Variants in SMAD3 observed in about 807,000 individuals in gnomAD.
The protein encoded by SMAD3 is SMAD family member 3, also known as MAD homolog 3.
Under a neutral mutation model 51.8 loss-of-function variants are expected in SMAD3, and 12 were observed. That is an observed-to-expected ratio of 0.23 (90% CI 0.15 to 0.38). The LOEUF (loss-of-function observed/expected upper bound fraction) is 0.38, where lower values mean the gene tolerates loss of function less well. Among genes scored for constraint, SMAD3 ranks in the 10% least tolerant of loss-of-function variants. SMAD3 has a pLI of 1.00. For synonymous variants in SMAD3, 238 were observed against 227.7 expected (o/e 1.05, Z -0.41); for missense variants, 294 against 565.6 (o/e 0.52, Z 4.87).
At chr15:67,133,114 A>T (rs1476444197) in intron 1 of SMAD3, among the ~76,000 whole-genome samples, 1 of 152,196 alleles carries the variant, frequency 6.6e-6, no homozygotes, top group Non-Finnish European at 1.5e-5. Context: ...GCAGTAGCCC[A>T]GCCCAAGCAG....
intron 1 of SMAD3, among the ~76,000 whole-genome samples, chr15:67,094,944 T>A (rs1321230336): frequency 6.6e-6 from 1 of 152,244 alleles, no homozygotes; most frequent in East Asian, 1.9e-4. Flanking sequence ...CTGAGCTGAC[T>A]GGGCAGGTCT....
At position 67,159,111 on chromosome 15, in the gene SMAD3, C is replaced by T. The variant is rs1312633766; in HGVS notation, c.207-5784C>T. ...TTTGAGACAGATTCTCACTCTGTCA[C>T]CCAGGCTGGAGTGCTCTGGTGCAAT... On this transcript the variant is annotated intron_variant, in intron 1 of 8. Coordinates refer to ENST00000327367, the MANE Select transcript of SMAD3 (RefSeq NM_005902.4). Among the ~76,000 whole-genome samples the T allele has an allele frequency of 2.6e-5, 4 of 151,958 alleles. No homozygotes were observed. In the South Asian group the frequency reaches 8.3e-4, roughly 32 times the overall value.
chr15:67,190,607 C>G lies in SMAD3; in HGVS notation c.*71C>G. On this transcript the variant is annotated 3_prime_UTR_variant, in exon 9 of 9. Coordinates refer to ENST00000327367, the MANE Select transcript of SMAD3 (RefSeq NM_005902.4). The stretch of plus-strand genomic sequence containing the variant: ...ATGCAGGAGGTGGAGAAAATTGGAA[C>G]TCTACTCAACCCATTGTTGTCAAGG... The G allele has an allele frequency of 6.8e-7, 1 of 1,480,234 alleles. No homozygotes were observed. The highest frequency in any genetic ancestry group is 9.4e-7 in the Non-Finnish European group (1 of 1,061,370). 91.7% of individuals were successfully genotyped at this position (1,480,234 alleles called of 1,614,324 possible). A position where few individuals can be genotyped will look rare whatever the true frequency, so the allele number is the denominator to read the frequency against.
At chr15:67,098,836 A>G (rs1191413669) in intron 1 of SMAD3, 2 of 699,658 alleles carry the variant, frequency 2.9e-6, no homozygotes, top group Non-Finnish European at 5.2e-6. Flanking sequence ...ACTGTTGCTC[A>G]GCTGGGGGAT....
At chr15:67,185,278 A>T (rs1486550233) in intron 7 of SMAD3, among the ~76,000 whole-genome samples, 3 of 152,222 alleles carry the variant, frequency 2.0e-5, no homozygotes, top group African/African-American at 7.2e-5. Context: ...GACACGGATG[A>T]GTTCAATATA....
chr15:67,110,116 G>A (rs762538962), intron 1 of SMAD3, among the ~76,000 whole-genome samples: 1 of 152,188 alleles, frequency 6.6e-6, no homozygotes, highest in African/African-American at 2.4e-5. Flanking sequence ...ACACCTCTAG[G>A]TCGTCAGTGA....
chr15:67,066,807 C>G (rs541123027), intron 1 of SMAD3, among the ~76,000 whole-genome samples: 1 of 152,206 alleles, frequency 6.6e-6, no homozygotes, highest in African/African-American at 2.4e-5. Flanking sequence ...TTTCTTCAGT[C>G]GGGTCTCCCC....
chr15:67,092,335 T>C (rs1204213600), intron 1 of SMAD3, among the ~76,000 whole-genome samples: 1 of 152,240 alleles, frequency 6.6e-6, no homozygotes, highest in Non-Finnish European at 1.5e-5. Context: ...TAATTACACA[T>C]ATTTTATCAA....
chr15:67,194,799 C>A lies in SMAD3; in HGVS notation c.*4263C>A, dbSNP rs986486703. 8.6e-6 allele frequency: 2 copies of A among 232,526 alleles called. No homozygotes were observed. Among genetic ancestry groups the A allele is most frequent in the African/African-American group, 4.4e-5 (2 of 45,254 alleles). 14.4% of individuals were successfully genotyped at this position (232,526 alleles called of 1,614,324 possible). On this transcript the variant is annotated 3_prime_UTR_variant, in exon 9 of 9. Coordinates refer to ENST00000327367, the MANE Select transcript of SMAD3 (RefSeq NM_005902.4). ...AAATCTGGGCCCTTCCACAAGGGTC[C>A]TCTGAACCAAGCCCCACTCCCTTGC...
At chr15:67,139,940 G>A (rs1432725099) in intron 1 of SMAD3, among the ~76,000 whole-genome samples, 2 of 129,160 alleles carry the variant, frequency 1.5e-5, no homozygotes, top group Non-Finnish European at 1.6e-5. Context: ...CCAACATGAC[G>A]AAACCCCGTC....
At chr15:67,149,162 C>A (rs1489125661) in intron 1 of SMAD3, among the ~76,000 whole-genome samples, 2 of 152,232 alleles carry the variant, frequency 1.3e-5, no homozygotes, top group Non-Finnish European at 2.9e-5. Flanking sequence ...AGGGCTCTGT[C>A]CCCACCTGCA....
At position 67,074,671 on chromosome 15, in the gene SMAD3, G is replaced by C. The variant is rs182790015; in HGVS notation, c.206+8311G>C. On this transcript the variant is annotated intron_variant, in intron 1 of 8. Coordinates refer to ENST00000327367, the MANE Select transcript of SMAD3 (RefSeq NM_005902.4). ...CAGTATTGTATTGTATTGTTTGTTT[G>C]TTTCTTTATCTCTGTCTCTCTCTTT... Among the ~76,000 whole-genome samples, 7 of 152,242 alleles carry C rather than the reference G, an allele frequency of 4.6e-5. No homozygotes were observed. The East Asian group carries it at 1.4e-3, about 29-fold the overall frequency.
chr15:67,184,693 G>A lies in SMAD3; in HGVS notation c.872-34G>A, dbSNP rs115176213. On this transcript the variant is annotated intron_variant, in intron 6 of 8. Transcript: ENST00000327367. The stretch of plus-strand genomic sequence containing the variant: ...CCCAGGGCCATTGTGTGTGAGCAAA[G>A]GCACCCTGTCCAGTCTAACCTGAAT... 219 of 1,613,446 alleles carry A rather than the reference G, an allele frequency of 1.4e-4. 1 individual carries two copies. In the African/African-American group the frequency reaches 2.8e-3, roughly 20 times the overall value.
At chr15:67,103,531 G>A (rs949290039) in intron 1 of SMAD3, among the ~76,000 whole-genome samples, 2 of 152,202 alleles carry the variant, frequency 1.3e-5, no homozygotes, top group Non-Finnish European at 2.9e-5. Flanking sequence ...TGGGGTAGGC[G>A]CTGTGCTGGT....
chr15:67,183,000 A>AAAAT (rs61323717), intron 6 of SMAD3, among the ~76,000 whole-genome samples: 5 of 43,644 alleles, frequency 1.1e-4, no homozygotes, highest in Non-Finnish European at 1.5e-4. Context: ...AAAAAAAAAA[A>AAAAT]ATATATATAT....
chr15:67,166,604 G>T, intron 3 of SMAD3, 175 bp from the exon 4 acceptor site: 1 of 672,442 alleles, frequency 1.5e-6, no homozygotes, highest in Non-Finnish European at 2.7e-6. Flanking sequence ...GGAGTCAGAG[G>T]TGGACAGGGG....
chr15:67,083,378 C>T (rs1467510330), intron 1 of SMAD3, among the ~76,000 whole-genome samples: 2 of 152,180 alleles, frequency 1.3e-5, no homozygotes, highest in Non-Finnish European at 2.9e-5. Flanking sequence ...TTGTGGGCTG[C>T]ACGGTTGCCT....
In SMAD3 at chr15:67,066,104, A is replaced by G. The variant is rs1280969933; in HGVS notation, c.-51A>G. On this transcript the variant is annotated 5_prime_UTR_variant, in exon 1 of 9. Coordinates refer to ENST00000327367, the MANE Select transcript of SMAD3 (RefSeq NM_005902.4). ...CCTCTGCGCCCCCGGCGTCCCGTCG[A>G]GCCCAGCCCCGCCGGGGGCGCTCCT... 1.4e-6 allele frequency: 2 copies of G among 1,450,308 alleles called. No homozygotes were observed. Among genetic ancestry groups the G allele is most frequent in the East Asian group, 2.5e-5 (1 of 40,134 alleles). The allele number at this position is 1,450,308 out of a possible 1,614,324, so 89.8% of individuals were successfully genotyped here.
chr15:67,096,127 A>G (rs888197119), intron 1 of SMAD3, among the ~76,000 whole-genome samples: 2 of 152,220 alleles, frequency 1.3e-5, no homozygotes, highest in Admixed American at 6.5e-5. Flanking sequence ...AGAAACATCA[A>G]CGACCAAAGA....
Sources: allele counts gnomAD v4.1 joint callset (sites outside exome capture counted in the v4.1 genomes callset), GRCh38; gene constraint gnomAD v4.1.1; transcripts MANE v1.5; gene names NCBI Gene and HGNC (gene_info 2026-07-23, HGNC 2026-07-21).